The following CSMD1 variants were observed in gnomAD, a reference collection of about 807,000 sequenced individuals.
The protein encoded by CSMD1 is CUB and sushi domain-containing protein 1.
Under a neutral mutation model 417.5 loss-of-function variants are expected in CSMD1, and 213 were observed. That is an observed-to-expected ratio of 0.51 (90% confidence interval 0.46 to 0.57). The LOEUF is 0.57. Among genes scored for constraint, CSMD1 ranks in the 20% least tolerant of loss-of-function variants. The probability of loss-of-function intolerance (pLI) is 0.00; values close to 1 mark genes in which losing one functional copy is unlikely to be tolerated. For missense variants in CSMD1, 6,923 were observed against 4,529.7 expected (o/e 1.53, Z -15.17); for synonymous variants, 2,862 against 1,736.8 (o/e 1.65, Z -16.11).
chr8:4,900,717 C>T (rs926487370), intron 1 of CSMD1, among the ~76,000 whole-genome samples: 1 of 152,230 alleles, frequency 6.6e-6, no homozygotes, highest in Non-Finnish European at 1.5e-5. Context: ...CTGCTTCTCT[C>T]TTCCACTCAC....
At chr8:3,925,749 G>T (rs960954515) in intron 5 of CSMD1, among the ~76,000 whole-genome samples, 1 of 152,098 alleles carries the variant, frequency 6.6e-6, no homozygotes, top group Non-Finnish European at 1.5e-5. Flanking sequence ...CCCCAGCCAT[G>T]TGGAACTGTA....
At chr8:4,117,770 A>T (rs1802241564) in intron 3 of CSMD1, among the ~76,000 whole-genome samples, 2 of 152,150 alleles carry the variant, frequency 1.3e-5, no homozygotes, top group South Asian at 2.1e-4. Flanking sequence ...GAAACACACC[A>T]GGCCCATTCA....
chr8:2,990,962 G>A (rs1047793715), intron 54 of CSMD1, among the ~76,000 whole-genome samples: 7 of 152,140 alleles, frequency 4.6e-5, no homozygotes, highest in African/African-American at 1.7e-4. Context: ...ATTTCAATGT[G>A]ATCTTTTCCC....
Position 4,568,512 on chromosome 8 carries a change from G to A in CSMD1, c.302+68830C>T, listed in dbSNP as rs377043366. Among the ~76,000 whole-genome samples the A allele has an allele frequency of 2.1e-4, 32 of 152,132 alleles. No homozygotes were observed. The East Asian group carries it at 5.2e-3, about 25-fold the overall frequency. On this transcript the variant is annotated intron_variant, in intron 2 of 69. Transcript: ENST00000635120. ...ATATATGCCACATTTTCTTTATCCA[G>A]TCTATCATTGATGGGCATTTGGGTT...
chr8:4,020,668 T>C (rs1299460180), intron 4 of CSMD1, among the ~76,000 whole-genome samples: 1 of 152,220 alleles, frequency 6.6e-6, no homozygotes, highest in Non-Finnish European at 1.5e-5. Context: ...CCAGGACAGA[T>C]AACAAAGCTG....
chr8:4,096,263 T>C (rs967891964), intron 3 of CSMD1, among the ~76,000 whole-genome samples: 1 of 152,090 alleles, frequency 6.6e-6, no homozygotes, highest in Non-Finnish European at 1.5e-5. Context: ...TAGCTCTTGA[T>C]AGCAAGCAGG....
chr8:3,729,644 A>C (rs1802708112), intron 6 of CSMD1, among the ~76,000 whole-genome samples: 1 of 151,718 alleles, frequency 6.6e-6, no homozygotes, highest in Admixed American at 6.6e-5. Flanking sequence ...CTCAACTTAG[A>C]GGAAGCGATG....
intron 1 of CSMD1, among the ~76,000 whole-genome samples, chr8:4,746,485 G>A (rs193284373): frequency 6.6e-6 from 1 of 152,300 alleles, no homozygotes; most frequent in East Asian, 1.9e-4. Flanking sequence ...TGAGTGATTC[G>A]TGTCTTTATC....
intron 2 of CSMD1, among the ~76,000 whole-genome samples, chr8:4,590,056 A>G (rs1413116183): frequency 6.6e-6 from 1 of 152,164 alleles, no homozygotes; most frequent in Non-Finnish European, 1.5e-5. Context: ...ACATTTATTT[A>G]TTTTGTGGTG....
intron 5 of CSMD1, among the ~76,000 whole-genome samples, chr8:3,953,951 C>G (rs1193681168): frequency 6.6e-6 from 1 of 152,208 alleles, no homozygotes; most frequent in Non-Finnish European, 1.5e-5. Flanking sequence ...TGGGTCTCGC[C>G]TTAGGCTGGG....
At chr8:4,963,229 C>G (rs1404093522) in intron 1 of CSMD1, among the ~76,000 whole-genome samples, 3 of 152,118 alleles carry the variant, frequency 2.0e-5, no homozygotes, top group Non-Finnish European at 4.4e-5. Flanking sequence ...GAGATGGAGT[C>G]TTGCTCTGTC....
At chr8:3,857,886 GGATT>G (rs1198618738) in intron 5 of CSMD1, among the ~76,000 whole-genome samples, 1 of 152,196 alleles carries the variant, frequency 6.6e-6, no homozygotes, top group African/African-American at 2.4e-5. Context: ...TATGTAACAG[GGATT>G]GCTTCCGTCC....
intron 2 of CSMD1, among the ~76,000 whole-genome samples, chr8:4,441,095 G>GT (rs36000734): frequency 0.16 from 7,944 of 51,146 alleles, 2,318 homozygotes; most frequent in Non-Finnish European, 0.19. Context: ...TAATCAAAAG[G>GT]TTTTTTTTTT....
At chr8:4,219,473 C>G (rs1229611732) in intron 3 of CSMD1, among the ~76,000 whole-genome samples, 1 of 152,168 alleles carries the variant, frequency 6.6e-6, no homozygotes, top group Non-Finnish European at 1.5e-5. Flanking sequence ...GAACTCTAGT[C>G]CTGAATTTCC....
chr8:3,018,403 A>T, intron 52 of CSMD1, 74 bp downstream of exon 52: 1 of 1,377,430 alleles, frequency 7.3e-7, no homozygotes, highest in Admixed American at 2.0e-5. Flanking sequence ...AAGAAGTCAT[A>T]TGTGTTACAC....
chr8:4,338,748 G>T (rs557466414), intron 3 of CSMD1, among the ~76,000 whole-genome samples: 2 of 151,838 alleles, frequency 1.3e-5, no homozygotes, highest in Admixed American at 6.6e-5. Context: ...ATTCATAAGC[G>T]AATATTAAAT....
At chr8:3,362,330 C>G (rs1343134870) in intron 20 of CSMD1, among the ~76,000 whole-genome samples, 1 of 152,234 alleles carries the variant, frequency 6.6e-6, no homozygotes, top group African/African-American at 2.4e-5. Flanking sequence ...CTTTCCTTCA[C>G]AGCCTTCCAC....
chr8:4,182,445 T>G (rs763068675), intron 3 of CSMD1, among the ~76,000 whole-genome samples: 2 of 152,122 alleles, frequency 1.3e-5, no homozygotes, highest in Non-Finnish European at 2.9e-5. Context: ...AATGAAATAA[T>G]AAAATGTGGA....
At chr8:3,386,612 T>C (rs1419946856) in intron 18 of CSMD1, among the ~76,000 whole-genome samples, 1 of 152,202 alleles carries the variant, frequency 6.6e-6, no homozygotes, top group African/African-American at 2.4e-5. Flanking sequence ...AATGCATGCA[T>C]CATGTTTGAA....
Sources: allele counts gnomAD v4.1 joint callset (sites outside exome capture counted in the v4.1 genomes callset), GRCh38; gene constraint gnomAD v4.1.1; transcripts MANE v1.5; gene names NCBI Gene and HGNC (gene_info 2026-07-23, HGNC 2026-07-21).